Variants in FRZB observed in about 807,000 individuals in gnomAD.
The protein encoded by FRZB is secreted frizzled-related protein 3.
A neutral mutation model predicts 32.5 loss-of-function variants in FRZB; 34 were observed. That is an observed-to-expected ratio of 1.05 (90% CI 0.80 to 1.39). FRZB has a LOEUF of 1.39. FRZB is among the 40% of genes most tolerant of loss of function. The pLI, the probability that FRZB is intolerant of heterozygous loss-of-function variation, is 0.00. For missense variants in FRZB, 423 were observed against 424.8 expected (o/e 1.00, Z 0.04); for synonymous variants, 170 against 159.2 (o/e 1.07, Z -0.51).
At chr2:182,855,192 A>G (rs953373569) in intron 2 of FRZB, among the ~76,000 whole-genome samples, 11 of 152,234 alleles carry the variant, frequency 7.2e-5, no homozygotes, top group African/African-American at 2.7e-4. Flanking sequence ...TTAAAAAAAG[A>G]AAATCAGCAT....
At chr2:182,853,802 CAG>C (rs1339623178) in intron 2 of FRZB, among the ~76,000 whole-genome samples, 1 of 152,146 alleles carries the variant, frequency 6.6e-6, no homozygotes, top group African/African-American at 2.4e-5. Flanking sequence ...TCACCAAAAT[CAG>C]TGCAAAATAC....
At chr2:182,844,846 G>A (rs937331223) in intron 2 of FRZB, among the ~76,000 whole-genome samples, 3 of 151,920 alleles carry the variant, frequency 2.0e-5, no homozygotes, top group Non-Finnish European at 4.4e-5. Flanking sequence ...AAATATTCTC[G>A]GGACTAAATT....
chr2:182,861,801 A>G (rs1695834215), intron 1 of FRZB, among the ~76,000 whole-genome samples: 1 of 152,236 alleles, frequency 6.6e-6, no homozygotes, highest in South Asian at 2.1e-4. Flanking sequence ...AGCAACAACT[A>G]TTTGAAGGTT....
chr2:182,833,355 A>C lies in FRZB; in HGVS notation c.*1494T>G, dbSNP rs1039120111. 1.3e-5 allele frequency: 2 copies of C among 152,184 alleles called. No individual in the cohort carries two copies. Among genetic ancestry groups the C allele is most frequent in the African/African-American group, 4.8e-5 (2 of 41,448 alleles). The allele number at this position is 152,184 out of a possible 1,614,324, so 9.4% of individuals were successfully genotyped here. On this transcript the variant is annotated 3_prime_UTR_variant, in exon 6 of 6. Coordinates refer to ENST00000295113, the MANE Select transcript of FRZB (RefSeq NM_001463.4). ...TACTAATAGCACACATGTAAATGGC[A>C]GAGAATGAAACTTTCAAGTAATTGG... is the stretch of plus-strand genomic sequence containing the variant.
intron 3 of FRZB, among the ~76,000 whole-genome samples, chr2:182,840,120 C>A (rs1695571638): frequency 6.6e-6 from 1 of 152,110 alleles, no homozygotes; most frequent in African/African-American, 2.4e-5. Context: ...AGCAAACAAA[C>A]TGTAACTACC....
chr2:182,859,326 G>GA (rs1695805344), intron 1 of FRZB, among the ~76,000 whole-genome samples: 1 of 152,074 alleles, frequency 6.6e-6, no homozygotes, highest in African/African-American at 2.4e-5. Flanking sequence ...TTCTTCAACA[G>GA]AAAAGAAACC....
chr2:182,861,580 C>A (rs923526038), intron 1 of FRZB, among the ~76,000 whole-genome samples: 1 of 152,158 alleles, frequency 6.6e-6, no homozygotes, highest in Non-Finnish European at 1.5e-5. Flanking sequence ...CAATGTCAAG[C>A]GACTAGTTCA....
Position 182,866,287 on chromosome 2 carries a change from C to CA in FRZB, c.265dup (p.Cys89LeufsTer11). 1 of 1,614,212 alleles carries CA rather than the reference C, an allele frequency of 6.2e-7. No homozygotes were observed. The highest frequency in any genetic ancestry group is 8.5e-7 in the Non-Finnish European group (1 of 1,180,044). On this transcript the variant is annotated frameshift_variant, in exon 1 of 6. Transcript: ENST00000295113. LOFTEE classifies it high-confidence loss of function. The surrounding 1 kb of genome is among the most constrained non-coding windows in gnomAD (Gnocchi z 4.5). ...GGTGCAGATGGGCGCGTACATGGCACAGAGGAAGAAGAGCAGATCGGGGCT... is the reference window on the plus strand; with the variant it reads ...GGTGCAGATGGGCGCGTACATGGCACAAGAGGAAGAAGAGCAGATCGGGGCT...
chr2:182,844,831 T>C (rs767642439), intron 2 of FRZB, among the ~76,000 whole-genome samples: 4 of 152,212 alleles, frequency 2.6e-5, no homozygotes, highest in Non-Finnish European at 5.9e-5. Context: ...GCTAATGAGC[T>C]AAGCAAATAT....
intron 3 of FRZB, among the ~76,000 whole-genome samples, chr2:182,840,575 G>A (rs918303953): frequency 6.6e-6 from 1 of 151,852 alleles, no homozygotes; most frequent in Non-Finnish European, 1.5e-5. Context: ...AGATATAGAA[G>A]ATAAAAATAT....
intron 2 of FRZB, among the ~76,000 whole-genome samples, chr2:182,854,507 G>C (rs1695746754): frequency 6.6e-6 from 1 of 152,162 alleles, no homozygotes; most frequent in African/African-American, 2.4e-5. Context: ...GTATCGTAGA[G>C]GCAAGCATTT....
chr2:182,847,475 C>G (rs1695657192), intron 2 of FRZB, among the ~76,000 whole-genome samples: 1 of 152,074 alleles, frequency 6.6e-6, no homozygotes. Flanking sequence ...AAAATGAGTT[C>G]AGAGAGAAAA....
intron 2 of FRZB, among the ~76,000 whole-genome samples, chr2:182,849,243 TA>T (rs1695684095): frequency 2.7e-5 from 1 of 37,012 alleles, no homozygotes; most frequent in South Asian, 5.3e-4. Context: ...AATAAATAAA[TA>T]AATAAATAAA....
chr2:182,857,438 G>T (rs1467901217), intron 2 of FRZB, among the ~76,000 whole-genome samples: 1 of 151,896 alleles, frequency 6.6e-6, no homozygotes, highest in Non-Finnish European at 1.5e-5. Flanking sequence ...TGGCCAACAT[G>T]GTGAAATCTT....
chr2:182,838,026 G>C lies in FRZB; in HGVS notation c.798-15C>G. On this transcript the variant is annotated splice_polypyrimidine_tract_variant and intron_variant, in intron 4 of 5. Coordinates refer to ENST00000295113, the MANE Select transcript of FRZB (RefSeq NM_001463.4). ...CCAAGAGTAATCTGTATTTTTGAAAGAAGCAAACATTTTTGAAAAATTAAA... is the reference window on the plus strand; with the variant it reads ...CCAAGAGTAATCTGTATTTTTGAAACAAGCAAACATTTTTGAAAAATTAAA... The C allele has an allele frequency of 1.2e-6, 2 of 1,605,310 alleles. No homozygotes were observed. The highest frequency in any genetic ancestry group is 1.7e-6 in the Non-Finnish European group (2 of 1,174,872).
chr2:182,854,376 A>C (rs1355099860), intron 2 of FRZB, among the ~76,000 whole-genome samples: 2 of 152,208 alleles, frequency 1.3e-5, no homozygotes, highest in African/African-American at 4.8e-5. Context: ...GCAACATAAG[A>C]ACTCTAAAAC....
intron 2 of FRZB, among the ~76,000 whole-genome samples, chr2:182,849,079 T>A (rs1432014607): frequency 6.6e-6 from 1 of 151,796 alleles, no homozygotes; most frequent in African/African-American, 2.4e-5. Flanking sequence ...TACAACAAAT[T>A]AGCCGGGCGT....
At chr2:182,858,374 G>C (rs1357179066) in intron 2 of FRZB, among the ~76,000 whole-genome samples, 2 of 152,190 alleles carry the variant, frequency 1.3e-5, no homozygotes, top group African/African-American at 4.8e-5. Context: ...AAGGCGTACT[G>C]TCAGTCTGTC....
chr2:182,840,217 G>T (rs890820538), intron 3 of FRZB, among the ~76,000 whole-genome samples: 1 of 152,002 alleles, frequency 6.6e-6, no homozygotes, highest in South Asian at 2.1e-4. Context: ...AGATAAGATT[G>T]CCCTTTTTGA....
Sources: gnomAD v4.1 joint callset for allele counts (sites outside exome capture counted in the v4.1 genomes callset) on GRCh38, gnomAD v4.1.1 for gene constraint, Gnocchi (gnomAD v3.1) non-coding constraint, MANE v1.5 for transcripts, NCBI Gene and HGNC (gene_info 2026-07-23, HGNC 2026-07-21) for gene names.